HNMT: variants seen among roughly 807,000 people sequenced by gnomAD.
The protein encoded by HNMT is histamine N-methyltransferase.
In HNMT, 30 loss-of-function variants were observed where a neutral mutation model predicts 32.1. That is an observed-to-expected ratio of 0.93 (90% CI 0.70 to 1.27). The LOEUF is 1.27. HNMT is among the 50% of genes most tolerant of loss of function. The pLI is 0.00. For synonymous variants in HNMT, 125 were observed against 119.0 expected (o/e 1.05, Z -0.33); for missense variants, 327 against 346.0 (o/e 0.95, Z 0.43).
At chr2:137,982,535 T>A (rs1680534404) in intron 2 of HNMT, among the ~76,000 whole-genome samples, 1 of 152,178 alleles carries the variant, frequency 6.6e-6, no homozygotes, top group Non-Finnish European at 1.5e-5. Flanking sequence ...AATTGAGATT[T>A]ACAGAGAAGG....
chr2:137,978,541 T>C (rs527497734), intron 2 of HNMT, among the ~76,000 whole-genome samples: 70 of 140,000 alleles, frequency 5.0e-4, no homozygotes, highest in African/African-American at 1.2e-3. Context: ...ATACATATGA[T>C]TAGATAATAT....
chr2:138,013,681 A>G lies in HNMT; in HGVS notation c.524-94A>G. 3.5e-6 allele frequency: 3 copies of G among 858,036 alleles called. No homozygotes were observed. The South Asian group carries it at 5.2e-5, about 15-fold the overall frequency. The allele number at this position is 858,036 out of a possible 1,614,324, so 53.2% of individuals were successfully genotyped here. ...GAGCTGCACAAAGGACAAGATTATT[A>G]TTTTGTTCTATTCTAAGCATCTAGT... is the stretch of plus-strand genomic sequence containing the variant. On this transcript the variant is annotated intron_variant, in intron 5 of 5. Transcript: ENST00000280097.
At position 137,968,785 on chromosome 2, in the gene HNMT, C is replaced by T. The variant is rs114204869; in HGVS notation, c.138-1380C>T. ...TCTCGACCCTAGACTTTGCAAGATT[C>T]CTTTAGAACCTTACTTCAATTTTTG... On this transcript the variant is annotated intron_variant, in intron 1 of 5. Coordinates refer to ENST00000280097, the MANE Select transcript of HNMT (RefSeq NM_006895.3). Among the ~76,000 whole-genome samples the T allele has an allele frequency of 5.9e-3, 897 of 152,214 alleles. 8 individuals are homozygous for T. Among genetic ancestry groups the T allele is most frequent in the African/African-American group, 0.021 (860 of 41,508 alleles).
chr2:138,014,836 C>T lies in HNMT; in HGVS notation c.*706C>T, dbSNP rs1247337024. On this transcript the variant is annotated 3_prime_UTR_variant, in exon 6 of 6. Coordinates refer to ENST00000280097, the MANE Select transcript of HNMT (RefSeq NM_006895.3). ...TAAAACCAAGGTTTTAGAATACTAA[C>T]ATTTTATCAAAATAATATTATAGTT... is the stretch of plus-strand genomic sequence containing the variant. 6.6e-6 allele frequency: 1 copy of T among 151,844 alleles called. No homozygotes were observed. Among genetic ancestry groups the T allele is most frequent in the African/African-American group, 2.4e-5 (1 of 41,374 alleles). The allele number at this position is 151,844 out of a possible 1,614,324, so 9.4% of individuals were successfully genotyped here. A position where few individuals can be genotyped will look rare whatever the true frequency, so the allele number is the denominator to read the frequency against.
At position 138,015,234 on chromosome 2, in the gene HNMT, G is replaced by A. The variant is rs1681627849; in HGVS notation, c.*1104G>A. 6.6e-6 allele frequency: 1 copy of A among 151,884 alleles called. No individual in the cohort carries two copies. The highest frequency in any genetic ancestry group is 2.1e-4 in the South Asian group (1 of 4,820). 9.4% of individuals were successfully genotyped at this position (151,884 alleles called of 1,614,324 possible). ...CGCTCTGTTATTTTTGACATAAACA[G>A]TACATTTAATAATTAATAAATAAAT... On this transcript the variant is annotated 3_prime_UTR_variant, in exon 6 of 6. Transcript: ENST00000280097.
rs1680398411 is a variant in HNMT, at chr2:137,979,060, T to C, written c.190+8843T>C. 2.1e-5 allele frequency among the ~76,000 whole-genome samples: 3 copies of C among 144,152 alleles called. 1 individual carries two copies. The South Asian group carries it at 6.4e-4, about 31-fold the overall frequency. 94.6% of individuals were successfully genotyped at this position (144,152 alleles called of 152,430 possible). Reference sequence around the variant, plus strand: ...TACTATAATAGTAAATTGTATAATATATAGCATAGTTCATATATGTTTATA... The same window carrying C: ...TACTATAATAGTAAATTGTATAATACATAGCATAGTTCATATATGTTTATA... On this transcript the variant is annotated intron_variant, in intron 2 of 5. Coordinates refer to ENST00000280097, the MANE Select transcript of HNMT (RefSeq NM_006895.3).
intron 2 of HNMT, among the ~76,000 whole-genome samples, chr2:137,988,949 G>T (rs1396520896): frequency 6.6e-6 from 1 of 152,130 alleles, no homozygotes; most frequent in African/African-American, 2.4e-5. Flanking sequence ...TTTAGGGTTT[G>T]CAGATAAATT....
At chr2:137,990,064 T>C (rs977483966) in intron 2 of HNMT, among the ~76,000 whole-genome samples, 1 of 152,200 alleles carries the variant, frequency 6.6e-6, no homozygotes, top group Admixed American at 6.5e-5. Context: ...CATTTTCTTT[T>C]GTAGAGCAGA....
intron 2 of HNMT, among the ~76,000 whole-genome samples, chr2:137,984,941 TG>T (rs1680608160): frequency 6.6e-6 from 1 of 152,140 alleles, no homozygotes; most frequent in Admixed American, 6.6e-5. Context: ...ATAAAAAGAT[TG>T]GGCCATTTGG....
At chr2:137,971,794 C>G (rs1045325602) in intron 2 of HNMT, among the ~76,000 whole-genome samples, 1 of 128,566 alleles carries the variant, frequency 7.8e-6, no homozygotes, top group Non-Finnish European at 1.7e-5. Flanking sequence ...AACTCCTGAA[C>G]AGTGTTTGCC....
At chr2:138,010,532 CTATTTGTG>C (rs1299800151) in intron 5 of HNMT, among the ~76,000 whole-genome samples, 2 of 149,392 alleles carry the variant, frequency 1.3e-5, no homozygotes, top group African/African-American at 4.9e-5. Flanking sequence ...ACAACTAAAA[CTATTTGTG>C]TATTTTTAGG....
chr2:137,991,912 T>C (rs1239397328), intron 2 of HNMT: 1 of 151,980 alleles, frequency 6.6e-6, no homozygotes, highest in African/African-American at 2.4e-5. Context: ...AACCAAGGCA[T>C]CCAGGTTCTC....
chr2:138,014,040 G>A lies in HNMT; in HGVS notation c.789G>A (p.Gly263=). ...TAPPDLRAEL[G]KDLQEPEFSA... ...CACCTGATCTCAGAGCAGAGCTTGGGAAAGATCTACAAGAGCCTGAATTTA... is the reference window on the plus strand; with the variant it reads ...CACCTGATCTCAGAGCAGAGCTTGGAAAAGATCTACAAGAGCCTGAATTTA... Residue 263 remains glycine (G), a synonymous_variant, in exon 6 of 6, where the codon GGG becomes GGA. Transcript: ENST00000280097. 6.2e-7 allele frequency: 1 copy of A among 1,613,666 alleles called. No individual in the cohort carries two copies.
intron 2 of HNMT, among the ~76,000 whole-genome samples, chr2:137,986,753 AG>A (rs1680662494): frequency 6.6e-6 from 1 of 152,244 alleles, no homozygotes; most frequent in African/African-American, 2.4e-5. Context: ...AGATAAAAAA[AG>A]AGAATTAAAA....
chr2:137,976,280 C>A (rs78127308), intron 2 of HNMT, among the ~76,000 whole-genome samples: 8,110 of 138,772 alleles, frequency 0.058, 417 homozygotes, highest in African/African-American at 0.079. Flanking sequence ...AAACAAAAAA[C>A]AAAAAAAAAA....
At chr2:137,978,624 A>G (rs1680368971) in intron 2 of HNMT, among the ~76,000 whole-genome samples, 1 of 140,430 alleles carries the variant, frequency 7.1e-6, no homozygotes, top group Non-Finnish European at 1.5e-5. Flanking sequence ...GTATTATACA[A>G]TACATATGAT....
intron 5 of HNMT, among the ~76,000 whole-genome samples, chr2:138,006,954 A>G (rs1012509212): frequency 1.3e-5 from 2 of 152,094 alleles, no homozygotes; most frequent in African/African-American, 4.8e-5. Context: ...AAATTATTTA[A>G]CCAAAGTATT....
intron 3 of HNMT, among the ~76,000 whole-genome samples, chr2:138,001,851 T>C (rs138174325): frequency 1.6e-4 from 25 of 152,238 alleles, no homozygotes; most frequent in African/African-American, 5.3e-4. Context: ...CTTGTAATTA[T>C]TTCTTCCTGA....
At chr2:137,993,822 T>G (rs1680900609) in intron 2 of HNMT, among the ~76,000 whole-genome samples, 1 of 152,000 alleles carries the variant, frequency 6.6e-6, no homozygotes, top group South Asian at 2.1e-4. Context: ...GACAGACCTC[T>G]CAGCAGAAAC....
Sources: gnomAD v4.1 joint callset for allele counts (sites outside exome capture counted in the v4.1 genomes callset) on GRCh38, gnomAD v4.1.1 for gene constraint, MANE v1.5 for transcripts, NCBI Gene and HGNC (gene_info 2026-07-23, HGNC 2026-07-21) for gene names.